CFH: variants seen among roughly 807,000 people sequenced by gnomAD.
CFH encodes H factor 1 (complement).
CFH carries 53 observed loss-of-function variants against 147.3 expected under a neutral mutation model. That is an observed-to-expected ratio of 0.36 (90% confidence interval 0.29 to 0.45). CFH has a LOEUF of 0.45. Ranked by LOEUF, CFH falls within the 20% of genes least tolerant of loss-of-function variation. The pLI, the probability that CFH is intolerant of heterozygous loss-of-function variation, is 1.00. For synonymous variants in CFH, 536 were observed against 489.4 expected (o/e 1.10, Z -1.26); for missense variants, 1,380 against 1,498.0 (o/e 0.92, Z 1.30).
intron 9 of CFH, among the ~76,000 whole-genome samples, chr1:196,705,476 T>C (rs558507493): frequency 6.6e-6 from 1 of 152,334 alleles, no homozygotes; most frequent in Admixed American, 6.5e-5. Context: ...ACTTGACTTC[T>C]AGAATGGACA....
Position 196,692,905 on chromosome 1 carries a change from T to C in CFH, c.1336+2666T>C, listed in dbSNP as rs187210084. ...TCCCTCCCTCCCTCCCTCCCTCCCTTCCTTCCTTCCTTCCTTCCTTCCTTC... is the reference window on the plus strand; with the variant it reads ...TCCCTCCCTCCCTCCCTCCCTCCCTCCCTTCCTTCCTTCCTTCCTTCCTTC... On this transcript the variant is annotated intron_variant, in intron 9 of 21. Coordinates refer to ENST00000367429, the MANE Select transcript of CFH (RefSeq NM_000186.4). Among the ~76,000 whole-genome samples the C allele has an allele frequency of 3.6e-3, 410 of 113,384 alleles. 9 individuals carry two copies. Among genetic ancestry groups the C allele is most frequent in the African/African-American group, 0.011 (267 of 25,174 alleles). The allele number at this position is 113,384 out of a possible 152,430, so 74.4% of individuals were successfully genotyped here. A position where few individuals can be genotyped will look rare whatever the true frequency, so the allele number is the denominator to read the frequency against.
chr1:196,731,351 C>G (rs958201385), intron 15 of CFH, among the ~76,000 whole-genome samples: 5 of 151,814 alleles, frequency 3.3e-5, no homozygotes, highest in Non-Finnish European at 7.4e-5. Flanking sequence ...GTATTTTAAG[C>G]TGATAGGAAC....
At chr1:196,656,025 G>T (rs556982001) in intron 1 of CFH, among the ~76,000 whole-genome samples, 1 of 152,278 alleles carries the variant, frequency 6.6e-6, no homozygotes, top group East Asian at 1.9e-4. Flanking sequence ...ATTCTTCCAG[G>T]CCGGGCATGG....
chr1:196,664,738 G>C (rs1045973290), intron 1 of CFH, among the ~76,000 whole-genome samples: 1 of 151,938 alleles, frequency 6.6e-6, no homozygotes, highest in African/African-American at 2.4e-5. Context: ...TTTTAATTCA[G>C]ATGGGTGTAG....
In CFH at chr1:196,677,568, G is replaced by A. The variant is rs200751706; in HGVS notation, c.520G>A (p.Val174Ile). The change falls in exon 5 of 22, where the codon GTA (valine) becomes ATA (isoleucine). Residue 174 changes from valine to isoleucine, a missense_variant. Transcript: ENST00000367429. ...PDREYHFGQA[V>I]RFVCNSGYKI... ...TCGGGAATACCATTTTGGACAAGCA[G>A]TACGGTTTGTATGTAACTCAGGCTA... 3.7e-6 allele frequency: 6 copies of A among 1,613,276 alleles called. No individual in the cohort carries two copies. The highest frequency in any genetic ancestry group is 3.3e-5 in the South Asian group (3 of 91,066).
Position 196,726,952 on chromosome 1 carries a change from C to G in CFH, c.2236+12C>G. 6.2e-7 allele frequency: 1 copy of G among 1,604,844 alleles called. No individual in the cohort carries two copies. ...TCCCCAGTGTGTGGGTGAGAATACC[C>G]TTCTTAAATCAACATTTAACAAAGT... On this transcript the variant is annotated intron_variant, in intron 14 of 21. Transcript: ENST00000367429.
At chr1:196,695,262 G>T (rs751378935) in intron 9 of CFH, among the ~76,000 whole-genome samples, 9 of 152,050 alleles carry the variant, frequency 5.9e-5, no homozygotes, top group Non-Finnish European at 7.4e-5. Flanking sequence ...ATTCAATAGG[G>T]AATCTTTTCC....
intron 9 of CFH, among the ~76,000 whole-genome samples, chr1:196,691,938 T>G (rs1165294971): frequency 6.6e-6 from 1 of 152,058 alleles, no homozygotes; most frequent in Non-Finnish European, 1.5e-5. Context: ...TATTTCATGT[T>G]TAAATGAAAT....
In CFH at chr1:196,740,584, G is replaced by A. The variant is rs761149740; in HGVS notation, c.2783-35G>A. ...CAGGCATATAAAATTAAATTTATGA[G>A]TTAGTGAAACCTGAATTCATTCTTT... On this transcript the variant is annotated intron_variant, in intron 17 of 21. Transcript: ENST00000367429. 8 of 1,601,320 alleles carry A rather than the reference G, an allele frequency of 5.0e-6. No individual in the cohort carries two copies. The Admixed American group carries it at 8.4e-5, about 17-fold the overall frequency.
In CFH at chr1:196,740,682, A is replaced by T. The variant is rs773872364; in HGVS notation, c.2846A>T (p.Tyr949Phe). 1.2e-6 allele frequency: 2 copies of T among 1,613,956 alleles called. No homozygotes were observed. Among genetic ancestry groups the T allele is most frequent in the Non-Finnish European group, 1.7e-6 (2 of 1,179,946 alleles). The change falls in exon 18 of 22, where the codon TAT becomes TTT. Residue 949 changes from tyrosine to phenylalanine, a missense_variant. Transcript: ENST00000367429. Reference protein sequence around the residue: ...HGVVAHMSDSYQYGEEVTYKC... With the variant: ...HGVVAHMSDSFQYGEEVTYKC... Reference sequence around the variant, plus strand: ...GTTGTAGCTCACATGTCAGACAGTTATCAGTATGGAGAAGAAGTTACGTAC... The same window carrying T: ...GTTGTAGCTCACATGTCAGACAGTTTTCAGTATGGAGAAGAAGTTACGTAC...
chr1:196,720,590 A>G (rs1170305292), intron 11 of CFH, among the ~76,000 whole-genome samples: 1 of 151,724 alleles, frequency 6.6e-6, no homozygotes, highest in Non-Finnish European at 1.5e-5. Flanking sequence ...TTAGTTTTAT[A>G]CATGTTGCTT....
chr1:196,714,668 T>TAGAGAGAGAGAG (rs1205328020), intron 10 of CFH, among the ~76,000 whole-genome samples: 9 of 21,312 alleles, frequency 4.2e-4, no homozygotes, highest in South Asian at 3.4e-3. Flanking sequence ...TATATATATA[T>TAGAGAGAGAGAG]AGAGAGAGAG....
intron 9 of CFH, among the ~76,000 whole-genome samples, chr1:196,706,123 A>T (rs981082715): frequency 2.6e-5 from 4 of 152,054 alleles, no homozygotes; most frequent in South Asian, 4.2e-4. Flanking sequence ...CTCTGGGTTC[A>T]TCGGCACAGA....
intron 5 of CFH, 166 bp from the exon 6 acceptor site, chr1:196,679,457 T>A: frequency 1.9e-6 from 1 of 520,310 alleles, no homozygotes; most frequent in East Asian, 3.2e-5. Context: ...GAATTTTAAC[T>A]TTCTTCAGAT....
chr1:196,747,228 G>A lies in CFH; in HGVS notation c.3611G>A (p.Gly1204Glu). The A allele has an allele frequency of 6.2e-7, 1 of 1,613,932 alleles. No individual in the cohort carries two copies. The highest frequency in any genetic ancestry group is 1.1e-5 in the South Asian group (1 of 91,074). The change falls in exon 22 of 22, where the codon GGA (glycine) becomes GAA (glutamate). Residue 1204 changes from glycine to glutamate, a missense_variant. Gly to Glu is a moderately conservative substitution (Grantham distance 98, BLOSUM62 -2). Coordinates refer to ENST00000367429, the MANE Select transcript of CFH (RefSeq NM_000186.4). ...TCAGTTGAATTTGTGTGTAAACGGG[G>A]ATATCGTCTTTCATCACGTTCTCAC... ...GESVEFVCKRGYRLSSRSHTL... is the reference protein window; with the variant it reads ...GESVEFVCKREYRLSSRSHTL...
chr1:196,727,151 C>T (rs887496615), intron 14 of CFH, among the ~76,000 whole-genome samples: 3 of 152,026 alleles, frequency 2.0e-5, no homozygotes, highest in African/African-American at 7.2e-5. Context: ...AATCTTTCTG[C>T]GTCTGATAAC....
At position 196,705,402 on chromosome 1, in the gene CFH, C is replaced by T. The variant is rs117247858; in HGVS notation, c.1337-8333C>T. On this transcript the variant is annotated intron_variant, in intron 9 of 21. Coordinates refer to ENST00000367429, the MANE Select transcript of CFH (RefSeq NM_000186.4). ...GGTTTTTAGGTATGGCTGAATGTTG[C>T]CATATTTCATTTTCTTATTTTGGGC... Among the ~76,000 whole-genome samples the T allele has an allele frequency of 1.3e-4, 20 of 152,140 alleles. No individual in the cohort carries two copies. In the East Asian group the frequency reaches 3.1e-3, roughly 24 times the overall value.
At chr1:196,740,471 G>C (rs1652773253) in intron 17 of CFH, 148 bp from the exon 18 acceptor site, 6 of 794,202 alleles carry the variant, frequency 7.6e-6, no homozygotes, top group Non-Finnish European at 9.8e-6. Context: ...CAGAAGGCTA[G>C]TTTTAGGAAA....
chr1:196,685,295 TA>T, intron 7 of CFH, 58 bp downstream of exon 7: 1 of 1,538,252 alleles, frequency 6.5e-7, no homozygotes, highest in Non-Finnish European at 9.0e-7. Context: ...TTTAAACACA[TA>T]AAAAATAGGG....
Sources: allele counts gnomAD v4.1 joint callset (sites outside exome capture counted in the v4.1 genomes callset), GRCh38; gene constraint gnomAD v4.1.1; transcripts MANE v1.5; gene names NCBI Gene and HGNC (gene_info 2026-07-23, HGNC 2026-07-21).